Variants in CUL5 observed in about 807,000 individuals in gnomAD.
CUL5 encodes the protein cullin 5, also known as cullin-5.
Under a neutral mutation model 108.8 loss-of-function variants are expected in CUL5, and 26 were observed. The observed-to-expected ratio is 0.24, with a 90% CI of 0.18 to 0.33. The LOEUF is 0.33. Among genes scored for constraint, CUL5 ranks in the 10% least tolerant of loss-of-function variants. The probability of loss-of-function intolerance (pLI) is 1.00; values close to 1 mark genes in which losing one functional copy is unlikely to be tolerated. For synonymous variants in CUL5, 334 were observed against 298.0 expected, an observed-to-expected ratio of 1.12 and a Z score of -1.25; for missense variants, 524 against 909.2, an observed-to-expected ratio of 0.58 and a Z score of 5.45.
Position 108,107,153 on chromosome 11 carries a change from GT to G in CUL5, c.*2771del, listed in dbSNP as rs762583422. 19 of 151,748 alleles carry G rather than the reference GT, an allele frequency of 1.3e-4. No homozygotes were observed. Among genetic ancestry groups the G allele is most frequent in the Non-Finnish European group, 2.4e-4 (16 of 67,932 alleles). The allele number at this position is 151,748 out of a possible 1,614,324, so 9.4% of individuals were successfully genotyped here. A position where few individuals can be genotyped will look rare whatever the true frequency, so the allele number is the denominator to read the frequency against. The stretch of plus-strand genomic sequence containing the variant: ...TTACATTTATTGGAGGGGTCCCTGA[GT>G]TCTGTCAACTTTTTTATTTAAGTCT... On this transcript the variant is annotated 3_prime_UTR_variant, in exon 19 of 19. Coordinates refer to ENST00000393094, the MANE Select transcript of CUL5 (RefSeq NM_003478.6).
chr11:108,036,662 G>A (rs1862752250), intron 2 of CUL5, among the ~76,000 whole-genome samples: 1 of 152,156 alleles, frequency 6.6e-6, no homozygotes, highest in Non-Finnish European at 1.5e-5. Flanking sequence ...ATTTTCATTA[G>A]AGACAGGTTT....
intron 1 of CUL5, among the ~76,000 whole-genome samples, chr11:108,019,988 T>C (rs1862289479): frequency 6.6e-6 from 1 of 151,886 alleles, no homozygotes; most frequent in Non-Finnish European, 1.5e-5. Context: ...AACAACCAAC[T>C]CTCAGGGAAC....
At chr11:108,069,347 T>C (rs1159113298) in intron 7 of CUL5, among the ~76,000 whole-genome samples, 1 of 152,168 alleles carries the variant, frequency 6.6e-6, no homozygotes, top group East Asian at 1.9e-4. Context: ...AGATTTTCAT[T>C]CATAATCTGG....
chr11:108,092,247 A>T (rs888605361), intron 13 of CUL5, among the ~76,000 whole-genome samples: 1 of 152,224 alleles, frequency 6.6e-6, no homozygotes, highest in Admixed American at 6.5e-5. Flanking sequence ...GAACCTTCGT[A>T]AGTTGCTAGT....
chr11:108,009,237 G>T lies in CUL5; in HGVS notation c.-112G>T. On this transcript the variant is annotated 5_prime_UTR_variant, in exon 1 of 19. Coordinates refer to ENST00000393094, the MANE Select transcript of CUL5 (RefSeq NM_003478.6). ...GCTGCTCCAGCGCCCACCACACCCT[G>T]GTGCGGGCCGACGGGCCCTGGGCCC... 5 of 1,167,774 alleles carry T rather than the reference G, an allele frequency of 4.3e-6. No individual in the cohort carries two copies. The South Asian group carries it at 6.5e-5, about 15-fold the overall frequency. 72.3% of individuals were successfully genotyped at this position (1,167,774 alleles called of 1,614,324 possible).
At chr11:108,036,948 C>T (rs1455467905) in intron 2 of CUL5, among the ~76,000 whole-genome samples, 1 of 152,188 alleles carries the variant, frequency 6.6e-6, no homozygotes, top group Non-Finnish European at 1.5e-5. Context: ...TCACTCTCCC[C>T]ACTCCTGTTT....
chr11:108,044,369 GC>G (rs1452138364), intron 2 of CUL5, among the ~76,000 whole-genome samples: 2 of 151,758 alleles, frequency 1.3e-5, no homozygotes, highest in Non-Finnish European at 2.9e-5. Context: ...TAAAAAATTA[GC>G]CAGACATGGT....
intron 11 of CUL5, among the ~76,000 whole-genome samples, chr11:108,078,617 A>G (rs1863996455): frequency 1.3e-5 from 2 of 152,164 alleles, no homozygotes; most frequent in Admixed American, 6.5e-5. Flanking sequence ...AAATTGTTCT[A>G]TAATTGGTAA....
intron 13 of CUL5, among the ~76,000 whole-genome samples, chr11:108,090,048 AAG>A (rs1328424503): frequency 6.6e-6 from 1 of 151,702 alleles, no homozygotes; most frequent in African/African-American, 2.4e-5. Context: ...TCAAAAAAAA[AAG>A]AATATACCAT....
intron 1 of CUL5, among the ~76,000 whole-genome samples, chr11:108,019,361 C>T (rs1862276359): frequency 1.3e-5 from 2 of 152,104 alleles, no homozygotes; most frequent in Admixed American, 6.6e-5. Context: ...TAAGGGAACC[C>T]ACACATTCAA....
At chr11:108,015,388 C>G (rs192658892) in intron 1 of CUL5, among the ~76,000 whole-genome samples, 13 of 152,316 alleles carry the variant, frequency 8.5e-5, no homozygotes, top group Admixed American at 8.5e-4. Context: ...ATTTGAATAT[C>G]ATCGGTGAAT....
intron 1 of CUL5, among the ~76,000 whole-genome samples, chr11:108,026,810 G>A (rs1264824506): frequency 2.6e-5 from 4 of 151,838 alleles, no homozygotes; most frequent in Non-Finnish European, 4.4e-5. Flanking sequence ...CCAATGTGGC[G>A]AAACCCCATC....
intron 11 of CUL5, among the ~76,000 whole-genome samples, chr11:108,083,110 C>T (rs1864137516): frequency 6.6e-6 from 1 of 152,120 alleles, no homozygotes; most frequent in South Asian, 2.1e-4. Flanking sequence ...TGACTAATTG[C>T]TCTGACCGGA....
chr11:108,014,082 G>A (rs1862122027), intron 1 of CUL5, among the ~76,000 whole-genome samples: 1 of 152,242 alleles, frequency 6.6e-6, no homozygotes, highest in South Asian at 2.1e-4. Context: ...AGTTTCAGAT[G>A]TGTTACCAAC....
At chr11:108,059,776 C>T (rs1370113153) in intron 7 of CUL5, among the ~76,000 whole-genome samples, 7 of 151,436 alleles carry the variant, frequency 4.6e-5, no homozygotes, top group African/African-American at 1.5e-4. Context: ...CTCAGCTACT[C>T]GGGAGGCTGA....
At chr11:108,094,303 A>G (rs1333948862) in intron 13 of CUL5, 88 bp from the exon 14 acceptor site, 1 of 973,390 alleles carries the variant, frequency 1.0e-6, no homozygotes, top group Non-Finnish European at 1.5e-6. Flanking sequence ...TAAAACATTT[A>G]AGACTTAGTT....
chr11:108,052,154 T>A (rs903794939), intron 4 of CUL5, among the ~76,000 whole-genome samples: 8 of 152,086 alleles, frequency 5.3e-5, no homozygotes, highest in Non-Finnish European at 7.4e-5. Flanking sequence ...TTTGTTGTTG[T>A]TGAGATGGGT....
intron 1 of CUL5, among the ~76,000 whole-genome samples, chr11:108,010,524 C>T (rs1246530784): frequency 6.6e-6 from 1 of 152,200 alleles, no homozygotes. Flanking sequence ...CCCTGAATAG[C>T]CACCACTTAA....
chr11:108,082,552 C>T (rs904635681), intron 11 of CUL5, among the ~76,000 whole-genome samples: 7 of 152,092 alleles, frequency 4.6e-5, no homozygotes, highest in East Asian at 1.9e-4. Context: ...GCTAGGATTA[C>T]GGGCAGGAGC....
Sources: allele counts gnomAD v4.1 joint callset (sites outside exome capture counted in the v4.1 genomes callset), GRCh38; gene constraint gnomAD v4.1.1; transcripts MANE v1.5; gene names NCBI Gene and HGNC (gene_info 2026-07-23, HGNC 2026-07-21).